Variants in HPSE2 observed in about 807,000 individuals in gnomAD.
The protein encoded by HPSE2 is inactive heparanase-2.
A neutral mutation model predicts 60.5 loss-of-function variants in HPSE2; 38 were observed. The ratio of observed to expected loss-of-function variants is 0.63; its 90% CI spans 0.48 to 0.82. The LOEUF is 0.82. Ranked by LOEUF, HPSE2 falls within the 40% of genes least tolerant of loss-of-function variation. HPSE2 has a pLI of 0.00. For missense variants in HPSE2, 713 were observed against 740.4 expected, an observed-to-expected ratio of 0.96 and a Z score of 0.43; for synonymous variants, 295 against 293.2, an observed-to-expected ratio of 1.01 and a Z score of -0.06.
intron 3 of HPSE2, among the ~76,000 whole-genome samples, chr10:99,020,248 A>G (rs1196992254): frequency 6.6e-6 from 1 of 152,218 alleles, no homozygotes; most frequent in Non-Finnish European, 1.5e-5. Flanking sequence ...TTAATTAAAT[A>G]ATCAAATAGG....
chr10:98,648,043 T>C (rs954988672), intron 6 of HPSE2, among the ~76,000 whole-genome samples: 1 of 152,180 alleles, frequency 6.6e-6, no homozygotes, highest in Non-Finnish European at 1.5e-5. Context: ...GCAAATAATG[T>C]CTTTAATGAA....
At chr10:98,606,463 C>T (rs1213117463) in intron 9 of HPSE2, among the ~76,000 whole-genome samples, 1 of 152,196 alleles carries the variant, frequency 6.6e-6, no homozygotes, top group Admixed American at 6.5e-5. Context: ...CCCGAGGTGA[C>T]TATAATGTTC....
chr10:99,093,640 A>G (rs1843596405), intron 3 of HPSE2, among the ~76,000 whole-genome samples: 2 of 152,192 alleles, frequency 1.3e-5, no homozygotes, highest in South Asian at 4.1e-4. Flanking sequence ...GTCAAGTGCA[A>G]GAGCCCACTC....
intron 9 of HPSE2, among the ~76,000 whole-genome samples, chr10:98,507,982 T>C (rs1942257097): frequency 6.6e-6 from 1 of 152,064 alleles, no homozygotes; most frequent in African/African-American, 2.4e-5. Context: ...AACAAAGACA[T>C]TGCCTAGAAG....
At chr10:98,776,998 A>G (rs1950354890) in intron 3 of HPSE2, among the ~76,000 whole-genome samples, 1 of 152,214 alleles carries the variant, frequency 6.6e-6, no homozygotes, top group South Asian at 2.1e-4. Context: ...AATGTAAACA[A>G]TTGATTAATT....
At chr10:99,066,524 C>T (rs1842623403) in intron 3 of HPSE2, among the ~76,000 whole-genome samples, 1 of 152,160 alleles carries the variant, frequency 6.6e-6, no homozygotes, top group East Asian at 1.9e-4. Flanking sequence ...ACAATCATGG[C>T]AGAAGGCAAA....
At chr10:98,692,725 C>T (rs1054563080) in intron 6 of HPSE2, among the ~76,000 whole-genome samples, 59 of 152,090 alleles carry the variant, frequency 3.9e-4, no homozygotes, top group African/African-American at 1.3e-3. Flanking sequence ...GCCGAGATCG[C>T]GCCACTGCAC....
intron 2 of HPSE2, among the ~76,000 whole-genome samples, chr10:99,173,943 CAAAAAAAA>C (rs61074165): frequency 1.0e-5 from 1 of 99,958 alleles, no homozygotes; most frequent in Non-Finnish European, 1.8e-5. Flanking sequence ...GACTCTGTCT[CAAAAAAAA>C]AAAAAAAAAA....
At chr10:99,263,247 A>C in the HPSE2 span, among the ~76,000 whole-genome samples, 1 of 152,136 alleles carries the variant, frequency 6.6e-6, no homozygotes, top group Non-Finnish European at 1.5e-5. Flanking sequence ...GCTATGCTAT[A>C]GTATCTTCCA....
chr10:98,762,801 TAAAAC>T, intron 3 of HPSE2, among the ~76,000 whole-genome samples: 1 of 151,788 alleles, frequency 6.6e-6, no homozygotes, highest in Admixed American at 6.6e-5. Context: ...AAAAAAATAA[TAAAAC>T]AAAACAAAAA....
intron 3 of HPSE2, among the ~76,000 whole-genome samples, chr10:98,979,157 T>C (rs1956152456): frequency 6.6e-6 from 1 of 152,172 alleles, no homozygotes; most frequent in African/African-American, 2.4e-5. Flanking sequence ...ATATGTGTGT[T>C]AGGTAAACCT....
At chr10:99,047,811 A>C (rs541913791) in intron 3 of HPSE2, 1 of 817,794 alleles carries the variant, frequency 1.2e-6, no homozygotes, top group Non-Finnish European at 2.1e-6. Flanking sequence ...AAGCACTATC[A>C]CAAGGAATAT....
intron 5 of HPSE2, among the ~76,000 whole-genome samples, chr10:98,704,904 A>G (rs1033407208): frequency 2.0e-5 from 3 of 152,206 alleles, no homozygotes; most frequent in African/African-American, 7.2e-5. Context: ...GACAAAATTG[A>G]CAAATGGGAT....
chr10:99,186,901 GT>G (rs1848049978), intron 2 of HPSE2, among the ~76,000 whole-genome samples: 1 of 151,944 alleles, frequency 6.6e-6, no homozygotes, highest in Admixed American at 6.6e-5. Context: ...TCCCACTTCA[GT>G]CTCCCTAGTA....
At chr10:98,721,527 T>C (rs1236379550) in intron 5 of HPSE2, 130 bp downstream of exon 5, 3 of 865,364 alleles carry the variant, frequency 3.5e-6, no homozygotes, top group African/African-American at 3.4e-5. Context: ...GAAGCCACTA[T>C]GGAAAGAGTC....
chr10:99,018,566 G>C (rs943899645), intron 3 of HPSE2, among the ~76,000 whole-genome samples: 33 of 151,644 alleles, frequency 2.2e-4, no homozygotes, highest in Admixed American at 1.9e-3. Flanking sequence ...GCCCTAAAAG[G>C]GTATTAACTT....
chr10:99,232,947 T>C (rs1849713237), intron 1 of HPSE2, among the ~76,000 whole-genome samples: 1 of 152,270 alleles, frequency 6.6e-6, no homozygotes, highest in Non-Finnish European at 1.5e-5. Flanking sequence ...AAAACTTGTA[T>C]GCTGAAAGCC....
chr10:99,260,055 TCAGTA>T, the HPSE2 span, among the ~76,000 whole-genome samples: 2 of 152,150 alleles, frequency 1.3e-5, no homozygotes, highest in African/African-American at 4.8e-5. Flanking sequence ...TTATTCACCA[TCAGTA>T]GCAGAAACCC....
rs11189629 is a variant in HPSE2 at position 98,482,438 on chromosome 10, C to T, written c.1613+198G>A. ...CTTTCTCCACCATTTGACTTTACAA[C>T]TGGGGAATCTAAGATAGGGAGGGGC... On this transcript the variant is annotated intron_variant, in intron 11 of 11. Transcript: ENST00000370552. Among the ~76,000 whole-genome samples the T allele has an allele frequency of 0.22, 33,440 of 152,128 alleles. 4,358 individuals carry two copies. The highest frequency in any genetic ancestry group is 0.35 in the African/African-American group (14,595 of 41,450).
Sources: allele counts gnomAD v4.1 joint callset (sites outside exome capture counted in the v4.1 genomes callset), GRCh38; gene constraint gnomAD v4.1.1; transcripts MANE v1.5; gene names NCBI Gene and HGNC (gene_info 2026-07-23, HGNC 2026-07-21).